Variants in ZNF143 observed in about 807,000 individuals in gnomAD.
ZNF143 encodes the protein zinc finger protein 143, also known as SPH-binding factor.
A neutral mutation model predicts 74.1 loss-of-function variants in ZNF143; 49 were observed. That is an observed-to-expected ratio of 0.66 (90% confidence interval 0.53 to 0.84). ZNF143 has a LOEUF of 0.84. Ranked by LOEUF, ZNF143 falls within the 40% of genes least tolerant of loss-of-function variation. The probability of loss-of-function intolerance (pLI) is 0.00; values close to 1 mark genes in which losing one functional copy is unlikely to be tolerated. For missense variants in ZNF143, 637 were observed against 793.4 expected, an observed-to-expected ratio of 0.80 and a Z score of 2.37; for synonymous variants, 304 against 282.8, an observed-to-expected ratio of 1.07 and a Z score of -0.75.
chr11:9,472,914 C>CAT, intron 3 of ZNF143, 145 bp downstream of exon 3: 2 of 323,036 alleles, frequency 6.2e-6, no homozygotes, highest in Non-Finnish European at 1.1e-5. Flanking sequence ...CAGTTTAATT[C>CAT]TTTTTTTTTT....
At chr11:9,493,263 G>A (rs918991297) in intron 7 of ZNF143, among the ~76,000 whole-genome samples, 11 of 151,844 alleles carry the variant, frequency 7.2e-5, no homozygotes, top group Non-Finnish European at 2.9e-5. Flanking sequence ...GTAGAGATGA[G>A]GTTTCACCAT....
At position 9,515,234 on chromosome 11, in the gene ZNF143, G is replaced by A. The variant is rs563010911; in HGVS notation, c.1525-967G>A. On this transcript the variant is annotated intron_variant, in intron 13 of 15. Transcript: ENST00000396602. ...GTTTTAGAAAGATGTCAACATAGAG[G>A]ATGGTTAGGGAAGGGTTAGACTGGA... Among the ~76,000 whole-genome samples the A allele has an allele frequency of 8.9e-4, 135 of 152,308 alleles. 2 individuals carry two copies. The highest frequency in any genetic ancestry group is 3.4e-3 in the Middle Eastern group (1 of 294).
chr11:9,502,524 A>G (rs1216125728), intron 11 of ZNF143, among the ~76,000 whole-genome samples: 2 of 150,290 alleles, frequency 1.3e-5, no homozygotes, highest in Non-Finnish European at 3.0e-5. Flanking sequence ...GCAGGAGAAC[A>G]GCATGAACCC....
intron 12 of ZNF143, among the ~76,000 whole-genome samples, chr11:9,510,244 C>A (rs1441759343): frequency 6.6e-6 from 1 of 151,824 alleles, no homozygotes; most frequent in African/African-American, 2.4e-5. Context: ...CCTGCCTCAG[C>A]TTCCTGAGTA....
Position 9,528,187 on chromosome 11 carries a change from C to A in ZNF143, c.*574C>A, listed in dbSNP as rs1849192429. On this transcript the variant is annotated 3_prime_UTR_variant, in exon 16 of 16. Transcript: ENST00000396602. ...CCATCCCTGTTAAAAACCAGCTCTTCAAGCTGAAATGCTAATTATATTGGC... is the reference window on the plus strand; with the variant it reads ...CCATCCCTGTTAAAAACCAGCTCTTAAAGCTGAAATGCTAATTATATTGGC... The A allele has an allele frequency of 6.6e-6, 1 of 152,528 alleles. No individual in the cohort carries two copies. The highest frequency in any genetic ancestry group is 2.4e-5 in the African/African-American group (1 of 41,436). The allele number at this position is 152,528 out of a possible 1,614,324, so 9.4% of individuals were successfully genotyped here.
intron 1 of ZNF143, among the ~76,000 whole-genome samples, chr11:9,463,142 C>A (rs1074852): frequency 4.9e-4 from 74 of 152,302 alleles, no homozygotes; most frequent in African/African-American, 1.7e-3. Flanking sequence ...AATGATATTT[C>A]ATTGTATGAA....
intron 1 of ZNF143, among the ~76,000 whole-genome samples, chr11:9,468,941 C>T (rs557664511): frequency 3.9e-5 from 6 of 152,080 alleles, no homozygotes; most frequent in Non-Finnish European, 5.9e-5. Context: ...CGAGACCAGC[C>T]TGGCCAACAT....
At chr11:9,495,702 C>CA (rs1847935091) in intron 8 of ZNF143, among the ~76,000 whole-genome samples, 1 of 152,324 alleles carries the variant, frequency 6.6e-6, no homozygotes, top group South Asian at 2.1e-4. Context: ...ATCTCCCTCT[C>CA]AGAGTGGTTG....
At position 9,517,739 on chromosome 11, in the gene ZNF143, G is replaced by A. The variant is rs558517697; in HGVS notation, c.1686+1377G>A. Among the ~76,000 whole-genome samples the A allele has an allele frequency of 3.3e-5, 5 of 152,248 alleles. No homozygotes were observed. In the South Asian group the frequency reaches 1.0e-3, roughly 32 times the overall value. On this transcript the variant is annotated intron_variant, in intron 14 of 15. Transcript: ENST00000396602. The stretch of plus-strand genomic sequence containing the variant: ...GTCTCACTCTTGAAAAAAGAATGAA[G>A]TTGGTGGTCTCATACACCCTGAAAT...
In ZNF143 at chr11:9,501,097, G is replaced by A; in HGVS notation, c.974G>A (p.Arg325Lys). 1.9e-6 allele frequency: 3 copies of A among 1,614,110 alleles called. No individual in the cohort carries two copies. The highest frequency in any genetic ancestry group is 1.3e-5 in the African/African-American group (1 of 75,026). The change falls in exon 11 of 16, where the codon AGG (arginine) becomes AAG (lysine). Residue 325 changes from arginine to lysine, a missense_variant. By Grantham distance (26) the Arg-to-Lys change is conservative. Transcript: ENST00000396602. ...QKHIRTHTGE[R>K]PFKCPFEGCG... Reference sequence around the variant, plus strand: ...TTACCCTTTATATTTGCAGGAGAAAGGCCCTTTAAGTGTCCCTTCGAAGGC... The same window carrying A: ...TTACCCTTTATATTTGCAGGAGAAAAGCCCTTTAAGTGTCCCTTCGAAGGC...
rs1180259289 is a variant in ZNF143, at chr11:9,508,882, T to C, written c.1375+36T>C. 6 of 1,537,304 alleles carry C rather than the reference T, an allele frequency of 3.9e-6. No individual in the cohort carries two copies. The Admixed American group carries it at 7.9e-5, about 20-fold the overall frequency. Reference sequence around the variant, plus strand: ...TGTCTACTATATTTTGTTTCTGAGTTTGAGAATCAACAGTTATGAACATAA... The same window carrying C: ...TGTCTACTATATTTTGTTTCTGAGTCTGAGAATCAACAGTTATGAACATAA... On this transcript the variant is annotated intron_variant, in intron 12 of 15. Coordinates refer to ENST00000396602, the MANE Select transcript of ZNF143 (RefSeq NM_003442.6).
intron 14 of ZNF143, among the ~76,000 whole-genome samples, chr11:9,523,662 A>T (rs1849020095): frequency 6.6e-6 from 1 of 151,800 alleles, no homozygotes; most frequent in Non-Finnish European, 1.5e-5. Context: ...TGAACCCGGG[A>T]GGCGGAGCTT....
intron 7 of ZNF143, among the ~76,000 whole-genome samples, chr11:9,488,096 C>T (rs368082683): frequency 1.4e-4 from 22 of 152,168 alleles, no homozygotes; most frequent in East Asian, 1.2e-3. Context: ...CTTTCTAAAA[C>T]GCAGATAGCC....
chr11:9,475,618 T>C (rs1474357421), intron 5 of ZNF143, among the ~76,000 whole-genome samples: 1 of 152,154 alleles, frequency 6.6e-6, no homozygotes, highest in Non-Finnish European at 1.5e-5. Context: ...TGCCTGGGCA[T>C]GTTGGCTCAT....
At chr11:9,493,126 G>A (rs1402180977) in intron 7 of ZNF143, among the ~76,000 whole-genome samples, 5 of 147,660 alleles carry the variant, frequency 3.4e-5, no homozygotes, top group South Asian at 4.3e-4. Flanking sequence ...CTGGAGTGCC[G>A]TGGCATGATC....
At chr11:9,501,576 C>T (rs920054448) in intron 11 of ZNF143, among the ~76,000 whole-genome samples, 2 of 152,112 alleles carry the variant, frequency 1.3e-5, no homozygotes, top group Non-Finnish European at 2.9e-5. Flanking sequence ...GGACAAGATG[C>T]TGTGGGAGCA....
intron 9 of ZNF143, among the ~76,000 whole-genome samples, chr11:9,496,841 G>A (rs904993747): frequency 3.3e-5 from 5 of 151,712 alleles, no homozygotes; most frequent in Non-Finnish European, 5.9e-5. Flanking sequence ...CAAGTAATCC[G>A]TCCGCCTCGG....
chr11:9,489,461 A>C (rs1471900037), intron 7 of ZNF143, among the ~76,000 whole-genome samples: 1 of 152,192 alleles, frequency 6.6e-6, no homozygotes, highest in Non-Finnish European at 1.5e-5. Context: ...GGGAGCAAAA[A>C]CAAGTACATT....
In ZNF143 at chr11:9,496,201, A is replaced by G; in HGVS notation, c.766-102A>G. On this transcript the variant is annotated intron_variant, in intron 8 of 15. Coordinates refer to ENST00000396602, the MANE Select transcript of ZNF143 (RefSeq NM_003442.6). ...CTTTTTTATAAGAAAAAAGCATACA[A>G]CAAAATCATTTAGCAGTGTGGGAAA... 8.0e-6 allele frequency: 8 copies of G among 998,072 alleles called. No individual in the cohort carries two copies. The South Asian group carries it at 1.1e-4, about 14-fold the overall frequency. 61.8% of individuals were successfully genotyped at this position (998,072 alleles called of 1,614,324 possible).
Sources: gnomAD v4.1 joint callset for allele counts (sites outside exome capture counted in the v4.1 genomes callset) on GRCh38, gnomAD v4.1.1 for gene constraint, MANE v1.5 for transcripts, NCBI Gene and HGNC (gene_info 2026-07-23, HGNC 2026-07-21) for gene names.